The following CSMD1 variants were observed in gnomAD, a reference collection of about 807,000 sequenced individuals.
CSMD1 encodes CUB and Sushi multiple domains 1.
Under a neutral mutation model 417.5 loss-of-function variants are expected in CSMD1, and 213 were observed. The ratio of observed to expected loss-of-function variants is 0.51; its 90% CI spans 0.46 to 0.57. The LOEUF (loss-of-function observed/expected upper bound fraction) is 0.57. Among genes scored for constraint, CSMD1 ranks in the 20% least tolerant of loss-of-function variants. The pLI is 0.00. For missense variants in CSMD1, 6,923 were observed against 4,529.7 expected, an observed-to-expected ratio of 1.53 and a Z score of -15.17; for synonymous variants, 2,862 against 1,736.8, an observed-to-expected ratio of 1.65 and a Z score of -16.11.
intron 2 of CSMD1, among the ~76,000 whole-genome samples, chr8:4,535,535 C>T (rs1184516532): frequency 1.3e-5 from 2 of 152,056 alleles, no homozygotes; most frequent in African/African-American, 4.8e-5. Context: ...AATTTTTTAT[C>T]TTGTAACAGT....
intron 1 of CSMD1, among the ~76,000 whole-genome samples, chr8:4,893,391 A>AT (rs534037001): frequency 1.3e-5 from 2 of 151,264 alleles, no homozygotes; most frequent in African/African-American, 4.9e-5. Context: ...TTAATACAGA[A>AT]TTTTTTTTCT....
intron 10 of CSMD1, among the ~76,000 whole-genome samples, chr8:3,547,674 C>T (rs989561642): frequency 6.6e-6 from 1 of 152,100 alleles, no homozygotes; most frequent in Admixed American, 6.6e-5. Context: ...TATACTACAA[C>T]CTTTCTTTGG....
chr8:4,920,186 T>C (rs1806340848), intron 1 of CSMD1, among the ~76,000 whole-genome samples: 1 of 152,020 alleles, frequency 6.6e-6, no homozygotes, highest in African/African-American at 2.4e-5. Context: ...TTTCTAAGAG[T>C]CTTATGCTAA....
At chr8:2,982,941 A>G (rs1027815413) in intron 54 of CSMD1, among the ~76,000 whole-genome samples, 2 of 152,264 alleles carry the variant, frequency 1.3e-5, no homozygotes, top group South Asian at 2.1e-4. Context: ...AGGGCATCAC[A>G]TAAGAGTCTG....
chr8:4,355,414 G>A (rs879809420), intron 3 of CSMD1, among the ~76,000 whole-genome samples: 8 of 151,846 alleles, frequency 5.3e-5, no homozygotes, highest in Non-Finnish European at 1.2e-4. Flanking sequence ...CAGAAGTAGC[G>A]AATTCAGGTA....
chr8:3,456,816 G>A (rs552014691), intron 12 of CSMD1, among the ~76,000 whole-genome samples: 1 of 152,016 alleles, frequency 6.6e-6, no homozygotes, highest in Non-Finnish European at 1.5e-5. Flanking sequence ...AAAGGCCAGG[G>A]GTATTCAGAA....
At chr8:4,291,549 T>G (rs1033920782) in intron 3 of CSMD1, among the ~76,000 whole-genome samples, 1 of 152,178 alleles carries the variant, frequency 6.6e-6, no homozygotes, top group Non-Finnish European at 1.5e-5. Context: ...ATAAAAAAAT[T>G]GCTTAGTGTA....
At chr8:4,773,202 A>T (rs752760268) in intron 1 of CSMD1, among the ~76,000 whole-genome samples, 1 of 152,150 alleles carries the variant, frequency 6.6e-6, no homozygotes, top group Non-Finnish European at 1.5e-5. Flanking sequence ...CTTTCCTTTG[A>T]ATGACATGTC....
chr8:3,616,261 C>A (rs1489109061), intron 8 of CSMD1, among the ~76,000 whole-genome samples: 1 of 152,186 alleles, frequency 6.6e-6, no homozygotes, highest in Non-Finnish European at 1.5e-5. Context: ...CAGTTACCCT[C>A]ATGCTGTTCT....
intron 1 of CSMD1, among the ~76,000 whole-genome samples, chr8:4,711,563 AG>A (rs1808300440): frequency 6.6e-6 from 1 of 152,142 alleles, no homozygotes; most frequent in Non-Finnish European, 1.5e-5. Context: ...CAAAGGACAG[AG>A]AAATTTGAAA....
intron 1 of CSMD1, among the ~76,000 whole-genome samples, chr8:4,674,027 G>C (rs541980372): frequency 4.6e-5 from 7 of 152,276 alleles, no homozygotes; most frequent in Admixed American, 2.6e-4. Flanking sequence ...GGTATGAGAA[G>C]TATATCTCAA....
intron 37 of CSMD1, among the ~76,000 whole-genome samples, chr8:3,164,897 T>A (rs1005971154): frequency 6.6e-6 from 1 of 152,156 alleles, no homozygotes; most frequent in African/African-American, 2.4e-5. Flanking sequence ...TTATATGCAG[T>A]TATTACATAT....
intron 8 of CSMD1, 138 bp downstream of exon 8, chr8:3,616,572 T>G: frequency 1.6e-6 from 1 of 610,536 alleles, no homozygotes; most frequent in Non-Finnish European, 2.9e-6. Flanking sequence ...CAAATTGTGA[T>G]TACACACATT....
chr8:4,788,750 T>TA (rs878953534), intron 1 of CSMD1, among the ~76,000 whole-genome samples: 38 of 151,514 alleles, frequency 2.5e-4, no homozygotes, highest in African/African-American at 8.0e-4. Context: ...CATGAAAACC[T>TA]AAAAAAAATA....
chr8:4,598,391 G>A (rs1458546405), intron 2 of CSMD1, among the ~76,000 whole-genome samples: 1 of 152,166 alleles, frequency 6.6e-6, no homozygotes, highest in South Asian at 2.1e-4. Context: ...CTAACAGGTG[G>A]ATGCAGCTCT....
intron 5 of CSMD1, among the ~76,000 whole-genome samples, chr8:3,893,741 G>C (rs922014621): frequency 6.6e-6 from 1 of 151,940 alleles, no homozygotes; most frequent in Non-Finnish European, 1.5e-5. Context: ...ATTAACATTC[G>C]CTTTGTAATT....
intron 36 of CSMD1, among the ~76,000 whole-genome samples, chr8:3,187,602 C>G (rs1199471768): frequency 6.6e-6 from 1 of 152,168 alleles, no homozygotes; most frequent in Non-Finnish European, 1.5e-5. Flanking sequence ...CTGGCTTCTG[C>G]TGCCAGCCTG....
At chr8:4,439,645 T>C (rs188986510) in intron 2 of CSMD1, among the ~76,000 whole-genome samples, 3,364 of 152,236 alleles carry the variant, frequency 0.022, 145 homozygotes, top group African/African-American at 0.077. Flanking sequence ...TAAGGCAAAA[T>C]GGAAGTTGGT....
chr8:2,982,381 C>A (rs112431203), intron 54 of CSMD1, among the ~76,000 whole-genome samples: 179 of 152,096 alleles, frequency 1.2e-3, no homozygotes, highest in African/African-American at 4.2e-3. Context: ...AAACGAAAAG[C>A]AAATATGGAT....
Sources: gnomAD v4.1 joint callset for allele counts (sites outside exome capture counted in the v4.1 genomes callset) on GRCh38, gnomAD v4.1.1 for gene constraint, MANE v1.5 for transcripts, NCBI Gene and HGNC (gene_info 2026-07-23, HGNC 2026-07-21) for gene names.